KCTD1: variants seen among roughly 807,000 people sequenced by gnomAD.
KCTD1 encodes potassium channel tetramerization domain containing 1.
KCTD1 carries 24 observed loss-of-function variants against 66.0 expected under a neutral mutation model. The observed-to-expected ratio is 0.36, with a 90% CI of 0.26 to 0.51. KCTD1 has a LOEUF of 0.51. Ranked by LOEUF, KCTD1 falls within the 20% of genes least tolerant of loss-of-function variation. The pLI is 0.95. For synonymous variants in KCTD1, 511 were observed against 517.2 expected (o/e 0.99, Z 0.16); for missense variants, 943 against 1,205.2 (o/e 0.78, Z 3.22).
chr18:26,529,574 A>G (rs950943403), intron 1 of KCTD1, among the ~76,000 whole-genome samples: 9 of 152,244 alleles, frequency 5.9e-5, no homozygotes, highest in African/African-American at 2.2e-4. Context: ...CCAAAGGAAA[A>G]GAAGAACCAA....
At chr18:26,572,030 T>C (rs1257117755) in intron 1 of KCTD1, among the ~76,000 whole-genome samples, 3 of 151,968 alleles carry the variant, frequency 2.0e-5, no homozygotes, top group Non-Finnish European at 2.9e-5. Flanking sequence ...AGTGGTAAGG[T>C]TTTTTGTTTT....
intron 1 of KCTD1, among the ~76,000 whole-genome samples, chr18:26,646,791 C>G (rs1475641829): frequency 6.6e-6 from 1 of 152,134 alleles, no homozygotes; most frequent in Non-Finnish European, 1.5e-5. Flanking sequence ...TGAACTTCAG[C>G]TAGAAACATT....
intron 1 of KCTD1, among the ~76,000 whole-genome samples, chr18:26,561,568 C>T (rs944464150): frequency 6.6e-6 from 1 of 152,168 alleles, no homozygotes; most frequent in Non-Finnish European, 1.5e-5. Context: ...CCACGCCCAC[C>T]TTCTGTTCTA....
upstream of KCTD1, among the ~76,000 whole-genome samples, chr18:26,550,967 G>A (rs1205271338): frequency 2.0e-5 from 3 of 152,170 alleles, no homozygotes; most frequent in Non-Finnish European, 4.4e-5. This position sits in a 1 kb window ranked among gnomAD's most constrained non-coding sequence, Gnocchi z 5.4. Flanking sequence ...GCAGGGACCC[G>A]GGGGCCGCGC....
intron 1 of KCTD1, among the ~76,000 whole-genome samples, chr18:26,649,530 A>T (rs1987989650): frequency 6.6e-6 from 1 of 151,968 alleles, no homozygotes; most frequent in African/African-American, 2.4e-5. Context: ...TTTTTTTGAG[A>T]CAGAGTCTTG....
chr18:26,549,523 C>T (rs902107744), upstream of KCTD1: 24 of 913,220 alleles, frequency 2.6e-5, no homozygotes, highest in African/African-American at 4.1e-4. Context: ...ACCCCAGGGG[C>T]CACAGGGACC....
chr18:26,646,475 T>A (rs1396891499), intron 1 of KCTD1, among the ~76,000 whole-genome samples: 11 of 152,214 alleles, frequency 7.2e-5, no homozygotes, highest in Non-Finnish European at 1.6e-4. Context: ...GAAGATATAA[T>A]TTTCAGGTGT....
At chr18:26,467,322 A>G (rs1470911293) in intron 3 of KCTD1, among the ~76,000 whole-genome samples, 1 of 152,086 alleles carries the variant, frequency 6.6e-6, no homozygotes, top group Non-Finnish European at 1.5e-5. Flanking sequence ...GTTTGAGATC[A>G]ACCTGTGGCG....
intron 1 of KCTD1, among the ~76,000 whole-genome samples, chr18:26,598,717 A>C (rs578260): frequency 0.56 from 84,902 of 152,004 alleles, 23,900 homozygotes; most frequent in African/African-American, 0.64. Flanking sequence ...ATCTCATTGT[A>C]GTTTTGATTT....
intron 1 of KCTD1, among the ~76,000 whole-genome samples, chr18:26,567,489 T>TTG (rs1491407627): frequency 3.5e-4 from 15 of 42,746 alleles, no homozygotes; most frequent in African/African-American, 1.3e-3. Flanking sequence ...GTTGTTGTTG[T>TTG]TTTTTTTTTT....
At chr18:26,539,934 C>G (rs1984896012) in intron 1 of KCTD1, among the ~76,000 whole-genome samples, 1 of 152,144 alleles carries the variant, frequency 6.6e-6, no homozygotes, top group Non-Finnish European at 1.5e-5. Flanking sequence ...AACATTTTGT[C>G]TAAATGGAGG....
chr18:26,568,919 A>T (rs1229405193), intron 1 of KCTD1, among the ~76,000 whole-genome samples: 1 of 151,968 alleles, frequency 6.6e-6, no homozygotes, highest in African/African-American at 2.4e-5. Flanking sequence ...ATATTTTCTT[A>T]TTTTTTTTGG....
At chr18:26,578,156 A>C (rs1367473258) in intron 1 of KCTD1, among the ~76,000 whole-genome samples, 1 of 147,678 alleles carries the variant, frequency 6.8e-6, no homozygotes, top group Non-Finnish European at 1.5e-5. Flanking sequence ...TCCTGGGTTC[A>C]AGCGATCTCC....
intron 2 of KCTD1, among the ~76,000 whole-genome samples, chr18:26,493,010 A>T (rs565216803): frequency 6.6e-6 from 1 of 152,280 alleles, no homozygotes; most frequent in South Asian, 2.1e-4. Context: ...TTACCCAATC[A>T]TTAATTTATA....
At chr18:26,465,900 T>G (rs1980701486) in intron 3 of KCTD1, among the ~76,000 whole-genome samples, 1 of 152,132 alleles carries the variant, frequency 6.6e-6, no homozygotes. Flanking sequence ...TCATGGGCAG[T>G]ACCAGACAGC....
intron 1 of KCTD1, among the ~76,000 whole-genome samples, chr18:26,558,295 C>G (rs1567993664): frequency 6.6e-6 from 1 of 152,182 alleles, no homozygotes; most frequent in Non-Finnish European, 1.5e-5. Flanking sequence ...ACCCAAAAGA[C>G]AGGCAATAAC....
intron 1 of KCTD1, among the ~76,000 whole-genome samples, chr18:26,649,910 G>A (rs1316103993): frequency 6.6e-6 from 1 of 152,204 alleles, no homozygotes; most frequent in Non-Finnish European, 1.5e-5. Flanking sequence ...TCTGCTGGAT[G>A]GAATGGGTAT....
intron 2 of KCTD1, among the ~76,000 whole-genome samples, chr18:26,490,452 T>G (rs1219809291): frequency 6.6e-6 from 1 of 152,190 alleles, no homozygotes; most frequent in Non-Finnish European, 1.5e-5. Context: ...CCCTCCAGGA[T>G]AGCGAGACTA....
intron 1 of KCTD1, among the ~76,000 whole-genome samples, chr18:26,503,849 G>A (rs1299050769): frequency 6.6e-6 from 1 of 151,642 alleles, no homozygotes; most frequent in Non-Finnish European, 1.5e-5. Flanking sequence ...TCAGCTGGGG[G>A]TGGGGGTGGG....
Sources: gnomAD v4.1 joint callset for allele counts (sites outside exome capture counted in the v4.1 genomes callset) on GRCh38, gnomAD v4.1.1 for gene constraint, Gnocchi (gnomAD v3.1) non-coding constraint, MANE v1.5 for transcripts, NCBI Gene and HGNC (gene_info 2026-07-23, HGNC 2026-07-21) for gene names.